AUH: variants seen among roughly 807,000 people sequenced by gnomAD.
AUH encodes methylglutaconyl-CoA hydratase, mitochondrial.
Under a neutral mutation model 42.3 loss-of-function variants are expected in AUH, and 29 were observed. The observed-to-expected ratio is 0.69, with a 90% CI of 0.51 to 0.93. The LOEUF (loss-of-function observed/expected upper bound fraction) is 0.93. Ranked by LOEUF, AUH falls within the 40% of genes least tolerant of loss-of-function variation. The pLI is 0.00. For synonymous variants in AUH, 174 were observed against 166.4 expected, an observed-to-expected ratio of 1.05 and a Z score of -0.35; for missense variants, 452 against 438.1, an observed-to-expected ratio of 1.03 and a Z score of -0.28.
intron 6 of AUH, among the ~76,000 whole-genome samples, chr9:91,258,514 T>G (rs950640495): frequency 6.6e-6 from 1 of 152,322 alleles, no homozygotes; most frequent in South Asian, 2.1e-4. Flanking sequence ...AGATTACAGG[T>G]GTGGGCCACC....
intron 6 of AUH, among the ~76,000 whole-genome samples, chr9:91,263,822 T>TA (rs1829826631): frequency 6.6e-6 from 1 of 152,008 alleles, no homozygotes; most frequent in African/African-American, 2.4e-5. Context: ...ATTTAAAAAT[T>TA]AGAATTTAGC....
intron 4 of AUH, among the ~76,000 whole-genome samples, chr9:91,299,951 G>C (rs1301961879): frequency 6.6e-6 from 1 of 152,142 alleles, no homozygotes; most frequent in African/African-American, 2.4e-5. Flanking sequence ...AAGAGGAGTA[G>C]AGTAAACCCA....
rs544695381 is a variant in AUH at position 91,281,077 on chromosome 9, A to T, written c.655+14944T>A. Among the ~76,000 whole-genome samples the T allele has an allele frequency of 8.6e-5, 13 of 152,040 alleles. No homozygotes were observed. In the East Asian group the frequency reaches 1.6e-3, roughly 18 times the overall value. On this transcript the variant is annotated intron_variant, in intron 6 of 9. Transcript: ENST00000375731. ...TTTCACCAAATTAGGAAAGTTTTCA[A>T]CCATTATTTCTTTGATTTTTTCCCC...
At chr9:91,307,720 C>A (rs1219886809) in intron 4 of AUH, among the ~76,000 whole-genome samples, 1 of 152,080 alleles carries the variant, frequency 6.6e-6, no homozygotes, top group Admixed American at 6.5e-5. Context: ...TCTTACTATG[C>A]CTAATTTACA....
chr9:91,352,553 G>GT (rs538516623), intron 3 of AUH, among the ~76,000 whole-genome samples: 1 of 152,064 alleles, frequency 6.6e-6, no homozygotes, highest in Non-Finnish European at 1.5e-5. Flanking sequence ...AACTTAAAAT[G>GT]TAAGTGAAGT....
intron 4 of AUH, among the ~76,000 whole-genome samples, chr9:91,305,865 C>A (rs1828177721): frequency 6.6e-6 from 1 of 152,188 alleles, no homozygotes; most frequent in Admixed American, 6.5e-5. Flanking sequence ...CTGCCTATCA[C>A]TAGTTCTCAC....
chr9:91,329,311 A>C (rs1444878570), intron 3 of AUH, among the ~76,000 whole-genome samples: 3 of 151,648 alleles, frequency 2.0e-5, no homozygotes, highest in African/African-American at 7.3e-5. Context: ...AAAGAAAAAA[A>C]AAAAACAAAA....
chr9:91,286,315 T>C (rs149029340), intron 6 of AUH, among the ~76,000 whole-genome samples: 1 of 152,168 alleles, frequency 6.6e-6, no homozygotes, highest in East Asian at 1.9e-4. Flanking sequence ...TGTACAGTAA[T>C]GCCCCCAGAT....
At chr9:91,308,347 C>T (rs956191018) in intron 4 of AUH, among the ~76,000 whole-genome samples, 3 of 152,030 alleles carry the variant, frequency 2.0e-5, no homozygotes, top group African/African-American at 7.2e-5. Flanking sequence ...GGCAAGAGAG[C>T]GAGACACTGT....
chr9:91,325,550 C>T (rs930400045), intron 3 of AUH, 146 bp from the exon 4 acceptor site: 1 of 703,504 alleles, frequency 1.4e-6, no homozygotes, highest in Non-Finnish European at 2.5e-6. Flanking sequence ...AGTTTTCCTT[C>T]CCAATGACCA....
chr9:91,303,909 G>C (rs1828014097), intron 4 of AUH, among the ~76,000 whole-genome samples: 1 of 152,150 alleles, frequency 6.6e-6, no homozygotes, highest in Non-Finnish European at 1.5e-5. Flanking sequence ...CAAGCCCTGA[G>C]TGAGGCCTGC....
intron 6 of AUH, among the ~76,000 whole-genome samples, chr9:91,254,051 T>TAA (rs1019271387): frequency 6.6e-6 from 1 of 152,196 alleles, no homozygotes; most frequent in Non-Finnish European, 1.5e-5. Context: ...CTGGCATACT[T>TAA]AAAGATTGAT....
intron 4 of AUH, among the ~76,000 whole-genome samples, chr9:91,302,751 A>C (rs1333178301): frequency 2.0e-5 from 3 of 152,374 alleles, no homozygotes; most frequent in Admixed American, 2.0e-4. Flanking sequence ...CCTGGGCAAC[A>C]AAGTGAGACT....
chr9:91,226,759 T>C (rs1399671190), intron 6 of AUH, among the ~76,000 whole-genome samples: 4 of 121,100 alleles, frequency 3.3e-5, no homozygotes, highest in African/African-American at 6.3e-5. Context: ...CAGTTTCAGC[T>C]TTCTACATAT....
At chr9:91,282,647 G>A (rs116393496) in intron 6 of AUH, among the ~76,000 whole-genome samples, 4,492 of 151,992 alleles carry the variant, frequency 0.03, 108 homozygotes, top group East Asian at 0.067. Context: ...CCGATCCCAC[G>A]GAAATACAAA....
At chr9:91,266,758 G>C (rs1829998828) in intron 6 of AUH, among the ~76,000 whole-genome samples, 1 of 152,298 alleles carries the variant, frequency 6.6e-6, no homozygotes, top group East Asian at 1.9e-4. Flanking sequence ...TTCAAGAGTT[G>C]GGTGTGTATG....
intron 6 of AUH, among the ~76,000 whole-genome samples, chr9:91,261,742 TTAG>T (rs1438502698): frequency 3.9e-5 from 6 of 152,218 alleles, no homozygotes; most frequent in Non-Finnish European, 5.9e-5. Context: ...AGGACTTCCC[TTAG>T]TAGATTATTT....
chr9:91,315,584 C>A (rs1160051369), intron 4 of AUH, among the ~76,000 whole-genome samples: 1 of 151,932 alleles, frequency 6.6e-6, no homozygotes, highest in Non-Finnish European at 1.5e-5. Flanking sequence ...TGAACCTTGT[C>A]ATTCTTCAGT....
At chr9:91,335,022 T>C (rs1049559106) in intron 3 of AUH, among the ~76,000 whole-genome samples, 3 of 152,198 alleles carry the variant, frequency 2.0e-5, no homozygotes, top group Non-Finnish European at 4.4e-5. Context: ...ACCAGGAAAC[T>C]AGTCTGTTTT....
Sources: allele counts gnomAD v4.1 joint callset (sites outside exome capture counted in the v4.1 genomes callset), GRCh38; gene constraint gnomAD v4.1.1; transcripts MANE v1.5; gene names NCBI Gene and HGNC (gene_info 2026-07-23, HGNC 2026-07-21).